The following EPB41L2 variants were observed in gnomAD, a reference collection of about 807,000 sequenced individuals.
EPB41L2 encodes band 4.1-like protein 2.
Under a neutral mutation model 113.0 loss-of-function variants are expected in EPB41L2, and 43 were observed. The observed-to-expected ratio is 0.38, with a 90% CI of 0.30 to 0.49. The LOEUF (loss-of-function observed/expected upper bound fraction) is 0.49, where lower values mean the gene tolerates loss of function less well. Ranked by LOEUF, EPB41L2 falls within the 20% of genes least tolerant of loss-of-function variation. The pLI is 0.95. For synonymous variants in EPB41L2, 442 were observed against 436.7 expected (o/e 1.01, Z -0.15); for missense variants, 1,147 against 1,223.4 (o/e 0.94, Z 0.93).
chr6:130,971,399 G>A (rs565884385), intron 1 of EPB41L2, among the ~76,000 whole-genome samples: 3 of 152,086 alleles, frequency 2.0e-5, no homozygotes, highest in Admixed American at 6.5e-5. Flanking sequence ...TTCACTTAAC[G>A]GAAGCACCTG....
At chr6:130,934,041 A>G (rs1415000541) in intron 3 of EPB41L2, among the ~76,000 whole-genome samples, 1 of 152,222 alleles carries the variant, frequency 6.6e-6, no homozygotes, top group East Asian at 1.9e-4. Context: ...ATGCAAATAT[A>G]AAAGGCCAAG....
At chr6:130,986,506 T>C (rs1562666236) in intron 1 of EPB41L2, among the ~76,000 whole-genome samples, 3 of 151,830 alleles carry the variant, frequency 2.0e-5, no homozygotes, top group Admixed American at 2.0e-4. Context: ...GGCAGGAATG[T>C]AAAATGGTGT....
intron 1 of EPB41L2, among the ~76,000 whole-genome samples, chr6:131,041,234 AAGTT>A (rs72181212): frequency 0.033 from 5,060 of 152,262 alleles, 285 homozygotes; most frequent in African/African-American, 0.12. Flanking sequence ...CATAACAAAA[AAGTT>A]AGGGCTGAAA....
chr6:130,878,333 A>T (rs1788211088), intron 13 of EPB41L2, 83 bp from the exon 14 acceptor site: 1 of 1,434,476 alleles, frequency 7.0e-7, no homozygotes, highest in Non-Finnish European at 9.3e-7. Context: ...AAAAAATAAG[A>T]CAAAGCAAAC....
chr6:130,958,468 C>CAAAAAAAAAAAAAAAAAAAAA (rs200548809), intron 1 of EPB41L2, among the ~76,000 whole-genome samples: 1 of 113,902 alleles, frequency 8.8e-6, no homozygotes, highest in African/African-American at 3.1e-5. Flanking sequence ...ACAACAACAA[C>CAAAAAAAAAAAAAAAAAAAAA]AAAAAAAAAA....
intron 9 of EPB41L2, 97 bp downstream of exon 9, chr6:130,894,870 T>G: frequency 7.8e-7 from 1 of 1,283,216 alleles, no homozygotes; most frequent in Non-Finnish European, 1.0e-6. Flanking sequence ...AAATAGTTTA[T>G]TTTCTTAAAA....
chr6:130,885,401 T>C (rs976978314), intron 11 of EPB41L2, 133 bp from the exon 12 acceptor site: 2 of 752,024 alleles, frequency 2.7e-6, no homozygotes, highest in Admixed American at 2.7e-5. Flanking sequence ...GCTTGAGCTC[T>C]GAAAATACCC....
chr6:130,883,476 T>C (rs1256272065), intron 12 of EPB41L2, among the ~76,000 whole-genome samples: 1 of 152,242 alleles, frequency 6.6e-6, no homozygotes, highest in Non-Finnish European at 1.5e-5. Flanking sequence ...TTAAACCTGG[T>C]TGCTGACAGA....
intron 4 of EPB41L2, among the ~76,000 whole-genome samples, chr6:130,925,190 C>CTTTTTTTTTTTTTTTT (rs398048854): frequency 7.7e-6 from 1 of 130,436 alleles, no homozygotes; most frequent in African/African-American, 3.0e-5. Context: ...GATTTCTTTT[C>CTTTTTTTTTTTTTTTT]TTTTTTTTTT....
chr6:130,988,191 A>G (rs913586803), intron 1 of EPB41L2, among the ~76,000 whole-genome samples: 1 of 152,248 alleles, frequency 6.6e-6, no homozygotes, highest in African/African-American at 2.4e-5. Context: ...TATTAAACAC[A>G]TTTTAGAGAA....
At chr6:130,905,484 T>C (rs1372655373) in intron 5 of EPB41L2, among the ~76,000 whole-genome samples, 1 of 151,716 alleles carries the variant, frequency 6.6e-6, no homozygotes, top group Non-Finnish European at 1.5e-5. Context: ...CGTGGCATGA[T>C]CATGGCTCAC....
At chr6:131,012,075 CG>C (rs1787138299) in intron 1 of EPB41L2, among the ~76,000 whole-genome samples, 1 of 151,798 alleles carries the variant, frequency 6.6e-6, no homozygotes, top group South Asian at 2.1e-4. Context: ...CGTGGTGGCA[CG>C]CACCTGTAGT....
At chr6:130,968,667 C>T (rs1775950331) in intron 1 of EPB41L2, among the ~76,000 whole-genome samples, 1 of 152,042 alleles carries the variant, frequency 6.6e-6, no homozygotes, top group Non-Finnish European at 1.5e-5. Context: ...GCAACTTTCC[C>T]TCGGCGGGAA....
chr6:130,937,560 C>T (rs1809237959), intron 3 of EPB41L2, among the ~76,000 whole-genome samples: 1 of 152,154 alleles, frequency 6.6e-6, no homozygotes. Context: ...GTGGCTCATG[C>T]CTGTAATCCC....
intron 14 of EPB41L2, among the ~76,000 whole-genome samples, chr6:130,874,135 T>C (rs1786689002): frequency 6.6e-6 from 1 of 152,150 alleles, no homozygotes; most frequent in African/African-American, 2.4e-5. Context: ...TCATCATAAT[T>C]CATACAACAC....
chr6:131,014,299 G>A (rs527959142), intron 1 of EPB41L2: 8 of 152,256 alleles, frequency 5.3e-5, no homozygotes, highest in East Asian at 3.9e-4. Flanking sequence ...CAGCTATAAC[G>A]TATTTAATTT....
chr6:130,841,544 C>T (rs1303421210), intron 19 of EPB41L2, among the ~76,000 whole-genome samples: 1 of 152,168 alleles, frequency 6.6e-6, no homozygotes, highest in Admixed American at 6.5e-5. Flanking sequence ...AGGAGTCCAG[C>T]TGGATGAGGA....
chr6:130,879,623 T>C (rs2128464213), intron 13 of EPB41L2, among the ~76,000 whole-genome samples: 1 of 152,334 alleles, frequency 6.6e-6, no homozygotes, highest in East Asian at 1.9e-4. Context: ...TTCTTTCTAA[T>C]TAAAATAATT....
intron 4 of EPB41L2, among the ~76,000 whole-genome samples, chr6:130,924,246 G>T (rs1315575165): frequency 6.6e-6 from 1 of 152,078 alleles, no homozygotes; most frequent in Non-Finnish European, 1.5e-5. Flanking sequence ...CCCATTAATG[G>T]ACATTTATGT....
Sources: allele counts gnomAD v4.1 joint callset (sites outside exome capture counted in the v4.1 genomes callset), GRCh38; gene constraint gnomAD v4.1.1; transcripts MANE v1.5; gene names NCBI Gene and HGNC (gene_info 2026-07-23, HGNC 2026-07-21).